Variants in GPR35 observed in about 807,000 individuals in gnomAD.
The protein encoded by GPR35 is KYNA receptor.
For missense variants in GPR35, 372 were observed against 422.5 expected, an observed-to-expected ratio of 0.88 and a Z score of 1.05; for synonymous variants, 207 against 198.4, an observed-to-expected ratio of 1.04 and a Z score of -0.36.
At chr2:240,611,336 G>A (rs1219597521) in intron 2 of GPR35, among the ~76,000 whole-genome samples, 2 of 152,084 alleles carry the variant, frequency 1.3e-5, no homozygotes, top group African/African-American at 2.4e-5. Flanking sequence ...ATATGGTTGG[G>A]TTTGAACCTA....
chr2:240,615,717 T>C (rs1454876115), intron 2 of GPR35, among the ~76,000 whole-genome samples: 1 of 152,224 alleles, frequency 6.6e-6, no homozygotes, highest in East Asian at 1.9e-4. Context: ...ACAGTAAGCA[T>C]TATCACATCT....
At chr2:240,605,920 G>C (rs2043128096) in intron 1 of GPR35, among the ~76,000 whole-genome samples, 1 of 152,198 alleles carries the variant, frequency 6.6e-6, no homozygotes, top group Non-Finnish European at 1.5e-5. Flanking sequence ...TCAGGGGAAG[G>C]GTCTTTTCTG....
intron 2 of GPR35, among the ~76,000 whole-genome samples, chr2:240,615,742 C>A (rs1362480305): frequency 2.0e-5 from 3 of 152,222 alleles, no homozygotes; most frequent in African/African-American, 7.2e-5. Flanking sequence ...AAGAAATGAA[C>A]CTTTCCTTAA....
upstream of GPR35, among the ~76,000 whole-genome samples, chr2:240,624,017 GT>G (rs1338403653): frequency 2.6e-5 from 4 of 151,374 alleles, no homozygotes; most frequent in African/African-American, 9.7e-5. Context: ...GGTGGGGGGG[GT>G]GGGGGAGCTC....
chr2:240,626,362 C>G (rs2043377800), intron 1 of GPR35, among the ~76,000 whole-genome samples: 1 of 145,150 alleles, frequency 6.9e-6, no homozygotes, highest in Admixed American at 6.9e-5. Context: ...GTGACGGGGT[C>G]TCAGAGTGGG....
intron 1 of GPR35, among the ~76,000 whole-genome samples, chr2:240,626,180 T>C (rs28404337): frequency 0.3 from 392 of 1,288 alleles, 41 homozygotes; most frequent in East Asian, 0.4. Context: ...GAGGCTGTGA[T>C]GGGGTCTCAG....
At chr2:240,624,418 G>A (rs1034095219), upstream of GPR35, among the ~76,000 whole-genome samples, 3 of 152,184 alleles carry the variant, frequency 2.0e-5, no homozygotes. Flanking sequence ...ACAGGAACCA[G>A]GCCCGGGATG....
intron 2 of GPR35, among the ~76,000 whole-genome samples, chr2:240,613,135 G>A (rs2043202266): frequency 6.6e-6 from 1 of 152,232 alleles, no homozygotes; most frequent in Non-Finnish European, 1.5e-5. Context: ...GGGATGCTCA[G>A]TAAACAAGAG....
chr2:240,620,395 G>C (rs949040599), intron 5 of GPR35, among the ~76,000 whole-genome samples: 1 of 152,110 alleles, frequency 6.6e-6, no homozygotes, highest in African/African-American at 2.4e-5. Flanking sequence ...GCCCCTGAGT[G>C]CCCAGGGGCC....
At chr2:240,629,927 C>G in intron 1 of GPR35, 22 bp from the exon 2 acceptor site, 6 of 1,578,240 alleles carry the variant, frequency 3.8e-6, no homozygotes, top group Non-Finnish European at 5.2e-6. Flanking sequence ...CTGCTGACCT[C>G]CGGCTCCCTG....
intron 2 of GPR35, among the ~76,000 whole-genome samples, chr2:240,612,134 C>T (rs2043187466): frequency 6.6e-6 from 1 of 151,896 alleles, no homozygotes; most frequent in Non-Finnish European, 1.5e-5. Flanking sequence ...CATTGGTGTT[C>T]ATTTAGATCT....
chr2:240,615,323 GT>G (rs1466334997), intron 2 of GPR35, among the ~76,000 whole-genome samples: 1 of 152,144 alleles, frequency 6.6e-6, no homozygotes, highest in Non-Finnish European at 1.5e-5. Flanking sequence ...TTCTCCGTCT[GT>G]TTCCCCTGCC....
At position 240,630,393 on chromosome 2, in the gene GPR35, CCTGGTGGCTCG is replaced by C; in HGVS notation, c.446_456del (p.Val149AlafsTer144). The C allele has an allele frequency of 1.2e-6, 2 of 1,611,608 alleles. No homozygotes were observed. The highest frequency in any genetic ancestry group is 1.7e-6 in the Non-Finnish European group (2 of 1,179,880). ...TCCTCTGGGTGCTGGTCATCGGCTC[CCTGGTGGCTCG>C]CTGGCTCCTGGGGATTCAGGAGGGC... On this transcript the variant is annotated frameshift_variant, in exon 2 of 2. Transcript: ENST00000407714. LOFTEE classifies it low-confidence loss of function (END_TRUNC).
chr2:240,607,135 T>C (rs1050321146), intron 2 of GPR35: 2 of 152,138 alleles, frequency 1.3e-5, no homozygotes, highest in Non-Finnish European at 2.9e-5. Context: ...CATATTTCAA[T>C]CTATGAACGT....
rs911079307 is a variant in GPR35 at position 240,632,398 on chromosome 2, T to A, written c.*1516T>A. On this transcript the variant is annotated 3_prime_UTR_variant, in exon 2 of 2. Coordinates refer to ENST00000407714, the MANE Select transcript of GPR35 (RefSeq NM_005301.5). ...GAGGCTCCATGTCAAGAAAGATTCA[T>A]GCCTAGGAGGGTTCATGCCCAGGAG... Among the ~76,000 whole-genome samples, 1 of 151,388 alleles carries A rather than the reference T, an allele frequency of 6.6e-6. No individual in the cohort carries two copies. The highest frequency in any genetic ancestry group is 1.5e-5 in the Non-Finnish European group (1 of 67,832).
chr2:240,621,114 C>A (rs758240817), upstream of GPR35, among the ~76,000 whole-genome samples: 1 of 152,162 alleles, frequency 6.6e-6, no homozygotes, highest in Non-Finnish European at 1.5e-5. Context: ...ACAACTGAGC[C>A]CCCACACAGA....
At chr2:240,615,044 GTGTGCATGTGTATAGTATA>G (rs1397816088) in intron 2 of GPR35, among the ~76,000 whole-genome samples, 1 of 152,010 alleles carries the variant, frequency 6.6e-6, no homozygotes, top group African/African-American at 2.4e-5. Context: ...GTTTTTATGT[GTGTGCATGTGTATAGTATA>G]TGTGCATGTG....
In GPR35 at chr2:240,630,245, C is replaced by G; in HGVS notation, c.293C>G (p.Thr98Ser). The G allele has an allele frequency of 6.4e-7, 1 of 1,563,812 alleles. No individual in the cohort carries two copies. The highest frequency in any genetic ancestry group is 1.2e-5 in the South Asian group (1 of 85,506). ...CAGCTCTCCCAGGGCATCTACCTGA[C>G]CAACAGGTACATGAGCATCAGCCTG... Reference protein sequence around the residue: ...LCQLSQGIYLTNRYMSISLVT... With the variant: ...LCQLSQGIYLSNRYMSISLVT... The change falls in exon 2 of 2, where the codon ACC (threonine) becomes AGC (serine). Residue 98 changes from threonine (T) to serine (S), a missense_variant. Physicochemically the swap from Thr to Ser is moderately conservative, Grantham distance 58. Coordinates refer to ENST00000407714, the MANE Select transcript of GPR35 (RefSeq NM_005301.5).
Position 240,631,006 on chromosome 2 carries a change from G to C in GPR35, c.*124G>C. 2.5e-6 allele frequency: 2 copies of C among 808,630 alleles called. No individual in the cohort carries two copies. The highest frequency in any genetic ancestry group is 4.0e-6 in the Non-Finnish European group (2 of 501,502). The allele number at this position is 808,630 out of a possible 1,614,324, so 50.1% of individuals were successfully genotyped here. A position where few individuals can be genotyped will look rare whatever the true frequency, so the allele number is the denominator to read the frequency against. The stretch of plus-strand genomic sequence containing the variant: ...CCCTGAACTCACTGTGTATTCTCTT[G>C]GAGCCTTGGGTGGGCAGGGACGGCC... On this transcript the variant is annotated 3_prime_UTR_variant, in exon 2 of 2. Transcript: ENST00000407714.
Sources: gnomAD v4.1 joint callset for allele counts (sites outside exome capture counted in the v4.1 genomes callset) on GRCh38, gnomAD v4.1.1 for gene constraint, MANE v1.5 for transcripts, NCBI Gene and HGNC (gene_info 2026-07-23, HGNC 2026-07-21) for gene names.